Variants in SLC4A1 observed in about 807,000 individuals in gnomAD.
The protein encoded by SLC4A1 is solute carrier family 4 member 1 (Diego blood group), also known as band 3 anion transport protein.
In SLC4A1, 29 loss-of-function variants were observed where a neutral mutation model predicts 93.1. That is an observed-to-expected ratio of 0.31 (90% CI 0.23 to 0.42). The LOEUF (loss-of-function observed/expected upper bound fraction) is 0.42, where lower values mean the gene tolerates loss of function less well. SLC4A1 is among the 20% of genes least tolerant of loss of function. SLC4A1 has a pLI of 1.00. For missense variants in SLC4A1, 965 were observed against 1,190.1 expected (o/e 0.81, Z 2.78); for synonymous variants, 469 against 497.2 (o/e 0.94, Z 0.76).
At chr17:44,252,568 C>G (rs1345287756) in intron 17 of SLC4A1, among the ~76,000 whole-genome samples, 1 of 152,160 alleles carries the variant, frequency 6.6e-6, no homozygotes, top group Admixed American at 6.5e-5. Context: ...CCTGACCTCT[C>G]CATCTGCAAC....
intron 18 of SLC4A1, 38 bp from the exon 19 acceptor site, chr17:44,251,370 C>G: frequency 6.2e-7 from 1 of 1,614,222 alleles, no homozygotes; most frequent in African/African-American, 1.3e-5. Flanking sequence ...TATCACACCC[C>G]AGCACCCTCT....
rs2047326408 is a variant in SLC4A1 at position 44,250,254 on chromosome 17, T to G, written c.*204A>C. ...AACAAACCCCCTAATGTGGGCCCCA[T>G]CGGCCATCCCCAGCCAGAAAAGCCA... On this transcript the variant is annotated 3_prime_UTR_variant, in exon 20 of 20. Coordinates refer to ENST00000262418, the MANE Select transcript of SLC4A1 (RefSeq NM_000342.4). The G allele has an allele frequency of 5.9e-5, 34 of 572,698 alleles. 1 individual carries two copies. In the South Asian group the frequency reaches 6.4e-4, roughly 11 times the overall value. 35.5% of individuals were successfully genotyped at this position (572,698 alleles called of 1,614,324 possible). A position where few individuals can be genotyped will look rare whatever the true frequency, so the allele number is the denominator to read the frequency against.
rs1385363282 is a variant in SLC4A1, at chr17:44,259,181, G to T, written c.858C>A (p.Ala286=). Residue 286 remains alanine (A), a synonymous_variant, in exon 9 of 20, where the codon GCC becomes GCA. Transcript: ENST00000262418. ...TCCTTACCCTCTCTGACATGAGGGT[G>T]GCAGCAGCCCGGCCAAGCTGGGTGT... is the stretch of plus-strand genomic sequence containing the variant. The part of the protein sequence containing the change: ...IDYTQLGRAA[A]TLMSERVFRI... The T allele has an allele frequency of 1.9e-6, 3 of 1,614,024 alleles. No homozygotes were observed. Among genetic ancestry groups the T allele is most frequent in the Non-Finnish European group, 2.5e-6 (3 of 1,180,044 alleles).
At chr17:44,251,699 T>C in intron 17 of SLC4A1, 111 bp from the exon 18 acceptor site, 1 of 776,242 alleles carries the variant, frequency 1.3e-6, no homozygotes. Context: ...TATGGAGCCA[T>C]TTCTTTTTTC....
intron 1 of SLC4A1, among the ~76,000 whole-genome samples, chr17:44,263,832 T>C (rs2047473016): frequency 2.0e-5 from 3 of 151,552 alleles, no homozygotes; most frequent in Admixed American, 6.6e-5. Context: ...TGCAGTGGCA[T>C]GATCATAGTT....
Position 44,255,211 on chromosome 17 carries a change from G to A in SLC4A1, c.1886C>T (p.Thr629Ile), listed in dbSNP as rs1292546389. 4 of 1,554,176 alleles carry A rather than the reference G, an allele frequency of 2.6e-6. No individual in the cohort carries two copies. Among genetic ancestry groups the A allele is most frequent in the Non-Finnish European group, 3.5e-6 (4 of 1,147,628 alleles). ...AGGGCTGGGAGGAGGGGTCACCTGG[G>A]TGTAGGTATCCTGAATGAAGAAATC... Reference protein sequence around the residue: ...LVDFFIQDTYTQKLSVPDGFK... With the variant: ...LVDFFIQDTYIQKLSVPDGFK... Residue 629 changes from threonine to isoleucine, a missense_variant, in exon 15 of 20, where the codon ACC becomes ATC. Coordinates refer to ENST00000262418, the MANE Select transcript of SLC4A1 (RefSeq NM_000342.4).
chr17:44,254,501 G>A lies in SLC4A1; in HGVS notation c.2052C>T (p.Ile684=). The change falls in exon 16 of 20, where the codon ATC becomes ATT. Residue 684 remains isoleucine (I), a synonymous_variant. Transcript: ENST00000262418. ...VFILIFLESQ[I]TTLIVSKPER... ...GCCCCCACCCTGTCTCTCACGTGGT[G>A]ATCTGAGACTCCAGGAATATGAGGA... 1 of 1,592,680 alleles carries A rather than the reference G, an allele frequency of 6.3e-7. No homozygotes were observed.
chr17:44,259,475 G>A (rs1363547874), intron 8 of SLC4A1, 22 bp downstream of exon 8: 1 of 1,607,100 alleles, frequency 6.2e-7, no homozygotes, highest in Admixed American at 1.7e-5. Context: ...GGAGGGCTGA[G>A]GGTAGAGATG....
chr17:44,260,078 C>T, intron 6 of SLC4A1, 146 bp from the exon 7 acceptor site: 1 of 1,085,272 alleles, frequency 9.2e-7, no homozygotes, highest in Non-Finnish European at 1.4e-6. Context: ...CAGAGAGACC[C>T]TGGGATGGAA....
In SLC4A1 at chr17:44,257,752, C is replaced by T; in HGVS notation, c.1338G>A (p.Val446=). The change falls in exon 12 of 20, where the codon GTG becomes GTA. Residue 446 remains valine (V), a synonymous_variant. Coordinates refer to ENST00000262418, the MANE Select transcript of SLC4A1 (RefSeq NM_000342.4). ...CCAGCAGGGCGAAGAGAATGCCCTG[C>T]ACTGCAGTGGAGATCAGCAGCTCCG... is the stretch of plus-strand genomic sequence containing the variant. The part of the protein sequence containing the change: ...GVSELLISTA[V]QGILFALLGA... The T allele has an allele frequency of 2.5e-6, 4 of 1,614,092 alleles. No individual in the cohort carries two copies. Among genetic ancestry groups the T allele is most frequent in the Non-Finnish European group, 3.4e-6 (4 of 1,180,006 alleles).
chr17:44,265,979 C>CA (rs753916308), intron 1 of SLC4A1, among the ~76,000 whole-genome samples: 2,512 of 84,830 alleles, frequency 0.03, 64 homozygotes, highest in African/African-American at 0.092. Flanking sequence ...GACTCCGTCT[C>CA]AAAAAAAAAA....
Position 44,258,697 on chromosome 17 carries a change from C to A in SLC4A1, c.877-74G>T. ...GGACCCAGGAGTCCACAGCCAGGGC[C>A]TCCAGGAACCAGAACCCCCTCAGGC... On this transcript the variant is annotated intron_variant, in intron 9 of 19. Transcript: ENST00000262418. This position sits in a 1 kb window ranked among gnomAD's most constrained non-coding sequence, Gnocchi z 6.1. 1 of 1,434,850 alleles carries A rather than the reference C, an allele frequency of 7.0e-7. No homozygotes were observed. Among genetic ancestry groups the A allele is most frequent in the Non-Finnish European group, 9.6e-7 (1 of 1,043,974 alleles). The allele number at this position is 1,434,850 out of a possible 1,614,324, so 88.9% of individuals were successfully genotyped here.
At chr17:44,266,685 G>GC (rs544773139) in intron 1 of SLC4A1, among the ~76,000 whole-genome samples, 1 of 152,064 alleles carries the variant, frequency 6.6e-6, no homozygotes, top group Non-Finnish European at 1.5e-5. Flanking sequence ...CAGCCAGGCC[G>GC]CCCCCCAGCT....
At chr17:44,263,927 C>T (rs939930359) in intron 1 of SLC4A1, among the ~76,000 whole-genome samples, 3 of 151,770 alleles carry the variant, frequency 2.0e-5, no homozygotes, top group African/African-American at 7.3e-5. Context: ...GCCACAGTGC[C>T]CAGGTAATTA....
chr17:44,254,550 G>C lies in SLC4A1; in HGVS notation c.2003C>G (p.Ala668Gly). The change falls in exon 16 of 20, where the codon GCC becomes GGC. Residue 668 changes from alanine to glycine, a missense_variant. Transcript: ENST00000262418. ...GATGAAGACCAGCAGAGCAGGCAGG[G>C]CGGAGGCAAACATCATCCAGATGGG... is the stretch of plus-strand genomic sequence containing the variant. Reference protein sequence around the residue: ...EFPIWMMFASALPALLVFILI... With the variant: ...EFPIWMMFASGLPALLVFILI... The C allele has an allele frequency of 6.2e-7, 1 of 1,614,190 alleles. No homozygotes were observed. Among genetic ancestry groups the C allele is most frequent in the Non-Finnish European group, 8.5e-7 (1 of 1,180,020 alleles).
intron 1 of SLC4A1, among the ~76,000 whole-genome samples, chr17:44,263,930 G>A (rs1366087730): frequency 1.3e-5 from 2 of 151,492 alleles, no homozygotes; most frequent in Non-Finnish European, 2.9e-5. Flanking sequence ...ACAGTGCCCA[G>A]GTAATTAAAA....
In SLC4A1 at chr17:44,249,343, T is replaced by A. The variant is rs2047319558; in HGVS notation, c.*1115A>T. ...GGTTCTCCCCAAGATTCAGTTTAGATGGAGTTGAGGATAATGGCTCTCAAA... is the reference window on the plus strand; with the variant it reads ...GGTTCTCCCCAAGATTCAGTTTAGAAGGAGTTGAGGATAATGGCTCTCAAA... On this transcript the variant is annotated 3_prime_UTR_variant, in exon 20 of 20. Transcript: ENST00000262418. 1 of 336,044 alleles carries A rather than the reference T, an allele frequency of 3.0e-6. No individual in the cohort carries two copies. 20.8% of individuals were successfully genotyped at this position (336,044 alleles called of 1,614,324 possible). A position where few individuals can be genotyped will look rare whatever the true frequency, so the allele number is the denominator to read the frequency against.
intron 15 of SLC4A1, 141 bp downstream of exon 15, chr17:44,255,066 C>T (rs911088038): frequency 1.1e-5 from 8 of 706,332 alleles, no homozygotes; most frequent in Non-Finnish European, 2.0e-5. Context: ...ACATGGGACT[C>T]CCAGAGGAGG....
intron 15 of SLC4A1, 107 bp downstream of exon 15, chr17:44,255,100 C>T: frequency 1.3e-6 from 1 of 787,686 alleles, no homozygotes; most frequent in Non-Finnish European, 2.2e-6. Context: ...GAGGTAGTCC[C>T]AGCTGGCTTC....
Sources: gnomAD v4.1 joint callset for allele counts (sites outside exome capture counted in the v4.1 genomes callset) on GRCh38, gnomAD v4.1.1 for gene constraint, Gnocchi (gnomAD v3.1) non-coding constraint, MANE v1.5 for transcripts, NCBI Gene and HGNC (gene_info 2026-07-23, HGNC 2026-07-21) for gene names.